The following CNTNAP2 variants were observed in gnomAD, a reference collection of about 807,000 sequenced individuals.
The protein encoded by CNTNAP2 is contactin associated protein 2.
In CNTNAP2, 98 loss-of-function variants were observed where a neutral mutation model predicts 155.2. The ratio of observed to expected loss-of-function variants is 0.63; its 90% CI spans 0.54 to 0.75. The LOEUF (loss-of-function observed/expected upper bound fraction) is 0.75, where lower values mean the gene tolerates loss of function less well. Ranked by LOEUF, CNTNAP2 falls within the 30% of genes least tolerant of loss-of-function variation. The pLI is 0.00. For synonymous variants in CNTNAP2, 651 were observed against 631.2 expected (o/e 1.03, Z -0.47); for missense variants, 1,727 against 1,688.1 (o/e 1.02, Z -0.40).
chr7:148,307,237 C>G (rs1453992590), intron 21 of CNTNAP2, among the ~76,000 whole-genome samples: 1 of 152,168 alleles, frequency 6.6e-6, no homozygotes, highest in African/African-American at 2.4e-5. Context: ...TACATCGTTC[C>G]TCTTCTGCCA....
rs1185019539 is a variant in CNTNAP2, at chr7:148,259,179, T to TGAA, written c.3382-7854_3382-7853insGAA. Among the ~76,000 whole-genome samples the TGAA allele has an allele frequency of 1.2e-4, 3 of 24,026 alleles. No homozygotes were observed. The East Asian group carries it at 4.8e-3, about 39-fold the overall frequency. 15.8% of individuals were successfully genotyped at this position (24,026 alleles called of 152,430 possible). A position where few individuals can be genotyped will look rare whatever the true frequency, so the allele number is the denominator to read the frequency against. ...GGGCAACAAAAGCAAAACTCCGTCT[T>TGAA]AAAAAAAAAAAAAAAAAAAAAAAAA... On this transcript the variant is annotated intron_variant, in intron 20 of 23. Transcript: ENST00000361727.
intron 3 of CNTNAP2, among the ~76,000 whole-genome samples, chr7:147,018,812 G>T (rs1214814643): frequency 6.6e-6 from 1 of 151,990 alleles, no homozygotes; most frequent in East Asian, 1.9e-4. Flanking sequence ...AGGATAGTGT[G>T]TATGAACCTG....
chr7:146,232,364 T>A (rs762206114), intron 1 of CNTNAP2, among the ~76,000 whole-genome samples: 2 of 151,812 alleles, frequency 1.3e-5, no homozygotes, highest in Non-Finnish European at 2.9e-5. Flanking sequence ...ATGACATAGT[T>A]TTTCCTCTGG....
chr7:148,057,980 A>ATTG (rs1554467520), intron 15 of CNTNAP2, among the ~76,000 whole-genome samples: 3 of 147,370 alleles, frequency 2.0e-5, no homozygotes, highest in Non-Finnish European at 4.5e-5. Flanking sequence ...TATTATTATT[A>ATTG]TTATTATTGT....
intron 11 of CNTNAP2, among the ~76,000 whole-genome samples, chr7:147,494,631 G>A (rs1050233432): frequency 2.6e-5 from 4 of 152,108 alleles, no homozygotes; most frequent in East Asian, 3.9e-4. Context: ...TTGAATCCCA[G>A]TGTATGTTTT....
At chr7:146,901,870 CTTTTTTTTTTTT>C (rs71165048) in intron 3 of CNTNAP2, among the ~76,000 whole-genome samples, 1 of 88,222 alleles carries the variant, frequency 1.1e-5, no homozygotes, top group African/African-American at 4.2e-5. Flanking sequence ...ATATATGCTC[CTTTTTTTTTTTT>C]TTTTTTTTTT....
intron 1 of CNTNAP2, among the ~76,000 whole-genome samples, chr7:146,678,976 G>A (rs534771180): frequency 6.6e-6 from 1 of 152,050 alleles, no homozygotes; most frequent in Non-Finnish European, 1.5e-5. Context: ...CACTTTTCAG[G>A]ATTGTCTTTC....
chr7:146,416,967 C>T (rs535714444), intron 1 of CNTNAP2, among the ~76,000 whole-genome samples: 8 of 152,152 alleles, frequency 5.3e-5, no homozygotes, highest in African/African-American at 1.7e-4. Flanking sequence ...ATTATGTGAC[C>T]TTCTATCGCC....
intron 10 of CNTNAP2, among the ~76,000 whole-genome samples, chr7:147,451,796 T>A (rs777832393): frequency 5.5e-4 from 83 of 152,156 alleles, no homozygotes; most frequent in Non-Finnish European, 9.3e-4. Context: ...CATTGAAATT[T>A]AATTGCCATT....
chr7:148,390,515 G>T (rs1448769287), intron 22 of CNTNAP2, among the ~76,000 whole-genome samples: 1 of 152,136 alleles, frequency 6.6e-6, no homozygotes, highest in African/African-American at 2.4e-5. Context: ...TGGCCTTATG[G>T]TTAAAGGGAT....
At chr7:148,213,237 A>T (rs916026994) in intron 18 of CNTNAP2, among the ~76,000 whole-genome samples, 2 of 152,170 alleles carry the variant, frequency 1.3e-5, no homozygotes, top group Non-Finnish European at 2.9e-5. Context: ...AAATTCTGGG[A>T]CTAGGCCTGG....
chr7:146,390,699 C>T (rs1381039645), intron 1 of CNTNAP2, among the ~76,000 whole-genome samples: 3 of 148,046 alleles, frequency 2.0e-5, no homozygotes, highest in Non-Finnish European at 4.5e-5. Flanking sequence ...TTCTACAAAG[C>T]GACTCACTTA....
intron 1 of CNTNAP2, among the ~76,000 whole-genome samples, chr7:146,513,860 T>C (rs955907741): frequency 2.0e-5 from 3 of 152,028 alleles, no homozygotes; most frequent in African/African-American, 7.2e-5. Context: ...TTATTTCTTT[T>C]AAGAAAGGGT....
At chr7:147,623,201 A>G (rs1055017592) in intron 12 of CNTNAP2, among the ~76,000 whole-genome samples, 1 of 152,132 alleles carries the variant, frequency 6.6e-6, no homozygotes, top group African/African-American at 2.4e-5. Flanking sequence ...GAACATGACA[A>G]GGATGCCTAC....
At chr7:148,164,155 G>A (rs988919641) in intron 17 of CNTNAP2, among the ~76,000 whole-genome samples, 12 of 152,152 alleles carry the variant, frequency 7.9e-5, no homozygotes, top group African/African-American at 1.9e-4. Flanking sequence ...GGCTGGTCTC[G>A]AACTCCTGAC....
chr7:146,805,922 A>G (rs575691830), intron 2 of CNTNAP2, among the ~76,000 whole-genome samples: 15 of 152,318 alleles, frequency 9.8e-5, no homozygotes, highest in African/African-American at 3.6e-4. Context: ...ATAGCTGGCC[A>G]GAATAATTAA....
intron 1 of CNTNAP2, among the ~76,000 whole-genome samples, chr7:146,280,054 TTTAAG>T (rs749334783): frequency 2.0e-5 from 3 of 152,116 alleles, no homozygotes; most frequent in Non-Finnish European, 4.4e-5. Context: ...ATTAGCAGTG[TTTAAG>T]TTAACGGTAG....
chr7:147,061,609 T>TA (rs1179271394), intron 4 of CNTNAP2, among the ~76,000 whole-genome samples: 4 of 152,210 alleles, frequency 2.6e-5, no homozygotes, highest in Non-Finnish European at 5.9e-5. Context: ...TTGTGATACT[T>TA]ACAGTGGCCC....
In CNTNAP2 at chr7:146,507,073, G is replaced by A. The variant is rs139436210; in HGVS notation, c.98-267198G>A. ...CTGTTCTAAGTAGGAGCCCCACTTT[G>A]CTAAGGTGGATATCTCTGCCATCCC... On this transcript the variant is annotated intron_variant, in intron 1 of 23. Coordinates refer to ENST00000361727, the MANE Select transcript of CNTNAP2 (RefSeq NM_014141.6). Among the ~76,000 whole-genome samples the A allele has an allele frequency of 5.3e-4, 81 of 152,260 alleles. No homozygotes were observed. In the East Asian group the frequency reaches 0.015, roughly 29 times the overall value.
Sources: gnomAD v4.1 joint callset for allele counts (sites outside exome capture counted in the v4.1 genomes callset) on GRCh38, gnomAD v4.1.1 for gene constraint, MANE v1.5 for transcripts, NCBI Gene and HGNC (gene_info 2026-07-23, HGNC 2026-07-21) for gene names.